OCA2: variants seen among roughly 807,000 people sequenced by gnomAD.
OCA2 encodes OCA2 melanosomal transmembrane protein, also known as P protein.
OCA2 carries 77 observed loss-of-function variants against 100.2 expected under a neutral mutation model. That is an observed-to-expected ratio of 0.77 (90% CI 0.64 to 0.93). OCA2 has a LOEUF of 0.93. OCA2 is among the 40% of genes least tolerant of loss of function. The probability of loss-of-function intolerance (pLI) is 0.00; values close to 1 mark genes in which losing one functional copy is unlikely to be tolerated. For missense variants in OCA2, 1,062 were observed against 1,089.1 expected, an observed-to-expected ratio of 0.98 and a Z score of 0.35; for synonymous variants, 432 against 439.2, an observed-to-expected ratio of 0.98 and a Z score of 0.21.
intron 19 of OCA2, among the ~76,000 whole-genome samples, chr15:27,889,675 A>G (rs533833288): frequency 1.3e-5 from 2 of 152,218 alleles, no homozygotes; most frequent in South Asian, 2.1e-4. Flanking sequence ...AGGCATTCCG[A>G]GGTTATCAGG....
intron 21 of OCA2, among the ~76,000 whole-genome samples, chr15:27,862,857 C>A (rs1271158320): frequency 6.6e-6 from 1 of 152,206 alleles, no homozygotes; most frequent in Non-Finnish European, 1.5e-5. Flanking sequence ...TATCAACATT[C>A]TTAAACAAAG....
intron 23 of OCA2, among the ~76,000 whole-genome samples, chr15:27,839,289 CA>C (rs1567010442): frequency 2.6e-5 from 4 of 151,454 alleles, no homozygotes. Flanking sequence ...AATAAGAGAG[CA>C]AAAAAGATAT....
chr15:27,869,461 A>T (rs973562575), intron 21 of OCA2, among the ~76,000 whole-genome samples: 1 of 152,252 alleles, frequency 6.6e-6, no homozygotes, highest in Non-Finnish European at 1.5e-5. Context: ...GAACATATGG[A>T]TATTTGTTGT....
intron 9 of OCA2, among the ~76,000 whole-genome samples, chr15:27,998,530 A>C (rs1237082054): frequency 6.7e-6 from 1 of 150,050 alleles, no homozygotes; most frequent in African/African-American, 2.4e-5. Flanking sequence ...AATGGTGATC[A>C]TTAAAAAGTC....
intron 6 of OCA2, among the ~76,000 whole-genome samples, chr15:28,021,165 C>T (rs1325081078): frequency 4.6e-5 from 7 of 152,202 alleles, no homozygotes; most frequent in South Asian, 2.1e-4. Flanking sequence ...AGCACTGCAT[C>T]GGAGGGTCCC....
chr15:27,831,447 C>T (rs757410088), intron 23 of OCA2, among the ~76,000 whole-genome samples: 1 of 152,188 alleles, frequency 6.6e-6, no homozygotes, highest in South Asian at 2.1e-4. Context: ...CAGACTACCC[C>T]ACCCTCTGCG....
chr15:27,912,315 T>C (rs1050770614), intron 19 of OCA2, among the ~76,000 whole-genome samples: 1 of 152,060 alleles, frequency 6.6e-6, no homozygotes, highest in Non-Finnish European at 1.5e-5. Context: ...CATTCCCCAA[T>C]ACAAGGAATG....
At chr15:27,792,419 C>A (rs1028538634) in intron 23 of OCA2, among the ~76,000 whole-genome samples, 4 of 152,188 alleles carry the variant, frequency 2.6e-5, no homozygotes, top group Non-Finnish European at 4.4e-5. Context: ...CTTTACATGG[C>A]AGTGGAAATC....
intron 19 of OCA2, among the ~76,000 whole-genome samples, chr15:27,885,580 G>A (rs2037189547): frequency 2.0e-5 from 3 of 152,182 alleles, no homozygotes; most frequent in Admixed American, 6.5e-5. Flanking sequence ...GCCTTCTTAG[G>A]TGAATCCATG....
At chr15:27,867,908 A>G (rs754075419) in intron 21 of OCA2, among the ~76,000 whole-genome samples, 35 of 152,188 alleles carry the variant, frequency 2.3e-4, no homozygotes, top group Admixed American at 6.5e-4. Flanking sequence ...ATAAATGTGA[A>G]GCTCCTTTCC....
rs903194504 is a variant in OCA2 at position 27,830,483 on chromosome 15, A to T, written c.2432+14476T>A. On this transcript the variant is annotated intron_variant, in intron 23 of 23. Coordinates refer to ENST00000354638, the MANE Select transcript of OCA2 (RefSeq NM_000275.3). Reference sequence around the variant, plus strand: ...AGAAAAGGAGTACAAATATTATTTAAAGATAAGAAGGATGAATTGGAATAA... The same window carrying T: ...AGAAAAGGAGTACAAATATTATTTATAGATAAGAAGGATGAATTGGAATAA... 2.2e-4 allele frequency among the ~76,000 whole-genome samples: 34 copies of T among 152,278 alleles called. 1 individual carries two copies. Among genetic ancestry groups the T allele is most frequent in the Admixed American group, 2.0e-3 (31 of 15,288 alleles).
chr15:28,083,678 T>C lies in OCA2; in HGVS notation c.-21-1783A>G, dbSNP rs145531977. ...AAAAGTAATGCTAACAATTTAAAAT[T>C]TAAATTTTTTTATTTAGAATAATGA... On this transcript the variant is annotated intron_variant, in intron 1 of 23. Coordinates refer to ENST00000354638, the MANE Select transcript of OCA2 (RefSeq NM_000275.3). Among the ~76,000 whole-genome samples, 860 of 152,292 alleles carry C rather than the reference T, an allele frequency of 5.6e-3. 5 individuals carry two copies. Among genetic ancestry groups the C allele is most frequent in the African/African-American group, 0.02 (816 of 41,562 alleles).
chr15:27,945,416 T>C (rs1340856700), intron 18 of OCA2, among the ~76,000 whole-genome samples: 1 of 152,126 alleles, frequency 6.6e-6, no homozygotes, highest in Non-Finnish European at 1.5e-5. Context: ...TATTCTGCCA[T>C]GAGCAGAAAA....
At chr15:28,056,067 G>A (rs954095647) in intron 2 of OCA2, among the ~76,000 whole-genome samples, 3 of 151,950 alleles carry the variant, frequency 2.0e-5, no homozygotes, top group Non-Finnish European at 4.4e-5. Context: ...CACTCCAGGG[G>A]CCCCTGGAGC....
Position 27,985,161 on chromosome 15 carries a change from A to G in OCA2, c.1267T>C (p.Trp423Arg). The G allele has an allele frequency of 6.2e-7, 1 of 1,613,882 alleles. No individual in the cohort carries two copies. Among genetic ancestry groups the G allele is most frequent in the Non-Finnish European group, 8.5e-7 (1 of 1,179,964 alleles). ...AGACAGAGCATGATGATCATGGCCC[A>G]CACCCGTCCCCGGGAGAGCCGGTAT... ...KAYRLSRGRV[W>R]AMIIMLCLIA... The change falls in exon 13 of 24, where the codon TGG becomes CGG. Residue 423 changes from tryptophan (W) to arginine (R), a missense_variant. Coordinates refer to ENST00000354638, the MANE Select transcript of OCA2 (RefSeq NM_000275.3).
intron 23 of OCA2, among the ~76,000 whole-genome samples, chr15:27,807,580 C>T (rs2033909094): frequency 6.6e-6 from 1 of 152,176 alleles, no homozygotes; most frequent in Admixed American, 6.5e-5. Context: ...GGAAGTGTCA[C>T]ATGCTCCTTT....
intron 15 of OCA2, 68 bp downstream of exon 15, chr15:27,966,619 ACTT>A (rs1460638876): frequency 1.9e-6 from 3 of 1,574,434 alleles, no homozygotes; most frequent in Non-Finnish European, 2.6e-6. Flanking sequence ...CCTAATAAGA[ACTT>A]CTCCTGGTAA....
At chr15:27,773,500 G>A (rs563954762) in intron 23 of OCA2, among the ~76,000 whole-genome samples, 12 of 152,080 alleles carry the variant, frequency 7.9e-5, no homozygotes, top group Non-Finnish European at 1.6e-4. Context: ...GATATGTTTG[G>A]AGAAAGATGA....
intron 2 of OCA2, among the ~76,000 whole-genome samples, chr15:28,042,060 A>G (rs2043217530): frequency 1.3e-5 from 2 of 152,216 alleles, no homozygotes; most frequent in Non-Finnish European, 2.9e-5. Flanking sequence ...GGGGTTTGTA[A>G]AAACTAAACT....
Sources: allele counts gnomAD v4.1 joint callset (sites outside exome capture counted in the v4.1 genomes callset), GRCh38; gene constraint gnomAD v4.1.1; transcripts MANE v1.5; gene names NCBI Gene and HGNC (gene_info 2026-07-23, HGNC 2026-07-21).